Variants in NEXMIF observed in about 807,000 individuals in gnomAD.
The protein encoded by NEXMIF is XLMR protein related to neurite extension.
A neutral mutation model predicts 62.1 loss-of-function variants in NEXMIF; 8 were observed. The observed-to-expected ratio is 0.13, with a 90% CI of 0.08 to 0.23. The LOEUF is 0.23. NEXMIF is among the 10% of genes least tolerant of loss of function. NEXMIF has a pLI of 1.00. For missense variants in NEXMIF, 976 were observed against 1,113.3 expected (o/e 0.88, Z 1.75); for synonymous variants, 404 against 416.6 (o/e 0.97, Z 0.37).
At chrX:74,751,658 T>TTCCTTCC (rs1556017749) in intron 1 of NEXMIF, among the ~76,000 whole-genome samples, 1 of 84,002 alleles carries the variant, frequency 1.2e-5, no homozygotes, top group African/African-American at 5.0e-5. Flanking sequence ...CCTTCCTTCC[T>TTCCTTCC]TTCCTTCCTT....
chrX:74,819,011 G>A (rs2080385538), intron 1 of NEXMIF, among the ~76,000 whole-genome samples: 1 of 111,462 alleles, frequency 9.0e-6, no homozygotes, highest in African/African-American at 3.3e-5. Flanking sequence ...ACAGAACAGA[G>A]GCCTCAGAAA....
At chrX:74,759,062 C>T (rs2080168113) in intron 1 of NEXMIF, among the ~76,000 whole-genome samples, 1 of 112,250 alleles carries the variant, frequency 8.9e-6, no homozygotes, top group Admixed American at 9.4e-5. Context: ...TCGCCAACAT[C>T]TGTTATTTTT....
chrX:74,839,818 T>C (rs931496164), intron 1 of NEXMIF, among the ~76,000 whole-genome samples: 1 of 112,474 alleles, frequency 8.9e-6, no homozygotes, highest in Non-Finnish European at 1.9e-5. Flanking sequence ...CTGTCATTGA[T>C]GGACATTTAG....
At chrX:74,821,493 T>A (rs1395801611) in intron 1 of NEXMIF, among the ~76,000 whole-genome samples, 1 of 111,920 alleles carries the variant, frequency 8.9e-6, no homozygotes, top group Non-Finnish European at 1.9e-5. Context: ...CCATGGGATA[T>A]TTCTTTAGCA....
At chrX:74,863,861 A>T (rs1822764236) in intron 1 of NEXMIF, among the ~76,000 whole-genome samples, 1 of 112,386 alleles carries the variant, frequency 8.9e-6, no homozygotes, top group Admixed American at 9.4e-5. Context: ...AAAAATCCTC[A>T]GTAAAATACT....
At chrX:74,886,666 A>G (rs758751924) in intron 1 of NEXMIF, among the ~76,000 whole-genome samples, 14 of 111,016 alleles carry the variant, frequency 1.3e-4, no homozygotes, top group African/African-American at 4.3e-4. Flanking sequence ...AAACAAATGG[A>G]AGAACATTCC....
At chrX:74,831,035 C>T (rs2080434992) in intron 1 of NEXMIF, among the ~76,000 whole-genome samples, 1 of 110,203 alleles carries the variant, frequency 9.1e-6, no homozygotes, top group South Asian at 3.9e-4. Context: ...AATTTGAATG[C>T]CTTTAATACC....
At chrX:74,863,058 C>A (rs928520096) in intron 1 of NEXMIF, among the ~76,000 whole-genome samples, 1 of 109,536 alleles carries the variant, frequency 9.1e-6, no homozygotes, top group Non-Finnish European at 1.9e-5. Context: ...TGTAGTCCCC[C>A]CTATTCGGGA....
At chrX:74,875,067 G>T (rs1440663259) in intron 1 of NEXMIF, among the ~76,000 whole-genome samples, 1 of 111,485 alleles carries the variant, frequency 9.0e-6, no homozygotes, top group Non-Finnish European at 1.9e-5. Flanking sequence ...TCCCTGTCTT[G>T]TGCCAGTTTT....
At chrX:74,867,448 T>C (rs777310576) in intron 1 of NEXMIF, among the ~76,000 whole-genome samples, 5 of 111,377 alleles carry the variant, frequency 4.5e-5, no homozygotes, top group Non-Finnish European at 9.4e-5. Flanking sequence ...CATAGACCAA[T>C]GGAACAGAAT....
At chrX:74,781,295 G>C (rs867251227) in intron 1 of NEXMIF, among the ~76,000 whole-genome samples, 8 of 112,683 alleles carry the variant, frequency 7.1e-5, no homozygotes, top group African/African-American at 2.3e-4. Context: ...AGAGAGAACT[G>C]AATCAGGTTA....
intron 1 of NEXMIF, among the ~76,000 whole-genome samples, chrX:74,776,919 G>C (rs1342224035): frequency 9.0e-6 from 1 of 110,599 alleles, no homozygotes; most frequent in African/African-American, 3.3e-5. Flanking sequence ...CTGAAACCCA[G>C]GCTGCTATTT....
At chrX:74,823,455 G>A (rs750989579) in intron 1 of NEXMIF, among the ~76,000 whole-genome samples, 15 of 111,572 alleles carry the variant, frequency 1.3e-4, no homozygotes, top group Non-Finnish European at 2.1e-4. Context: ...GAGTTAAAGG[G>A]CACTAAAACA....
At chrX:74,744,899 C>T (rs931919660) in intron 2 of NEXMIF, among the ~76,000 whole-genome samples, 5 of 89,155 alleles carry the variant, frequency 5.6e-5, no homozygotes, top group Non-Finnish European at 8.8e-5. Context: ...CTTTTCTTTT[C>T]TCTCTCTCTC....
At chrX:74,879,984 A>G (rs961237906) in intron 1 of NEXMIF, among the ~76,000 whole-genome samples, 1 of 112,134 alleles carries the variant, frequency 8.9e-6, no homozygotes, top group Non-Finnish European at 1.9e-5. Flanking sequence ...TCTAATTAAC[A>G]TACCAATGAC....
intron 1 of NEXMIF, among the ~76,000 whole-genome samples, chrX:74,911,491 A>G (rs1352445308): frequency 8.9e-6 from 1 of 111,948 alleles, no homozygotes; most frequent in Non-Finnish European, 1.9e-5. Context: ...TACCATCTCC[A>G]TATCTCTGAG....
intron 1 of NEXMIF, among the ~76,000 whole-genome samples, chrX:74,828,624 T>A (rs886602948): frequency 8.9e-6 from 1 of 111,945 alleles, no homozygotes; most frequent in African/African-American, 3.2e-5. Context: ...ATATGCTGTA[T>A]CTTATTGATA....
At chrX:74,826,124 CA>C in intron 1 of NEXMIF, among the ~76,000 whole-genome samples, 1 of 112,485 alleles carries the variant, frequency 8.9e-6, no homozygotes. Flanking sequence ...AATTAATTTA[CA>C]CTCCTAACAA....
chrX:74,792,032 G>C (rs1434034547), intron 1 of NEXMIF, among the ~76,000 whole-genome samples: 2 of 108,539 alleles, frequency 1.8e-5, no homozygotes, highest in African/African-American at 6.7e-5. Flanking sequence ...GAATGTGTTT[G>C]CTCTTGCTTT....
Sources: gnomAD v4.1 joint callset for allele counts (sites outside exome capture counted in the v4.1 genomes callset) on GRCh38, gnomAD v4.1.1 for gene constraint, MANE v1.5 for transcripts, NCBI Gene and HGNC (gene_info 2026-07-23, HGNC 2026-07-21) for gene names.